The following SLC24A2 variants were observed in gnomAD, a reference collection of about 807,000 sequenced individuals.
SLC24A2 encodes solute carrier family 24 member 2.
SLC24A2 carries 36 observed loss-of-function variants against 62.0 expected under a neutral mutation model. That is an observed-to-expected ratio of 0.58 (90% CI 0.44 to 0.77). SLC24A2 has a LOEUF of 0.77. Ranked by LOEUF, SLC24A2 falls within the 30% of genes least tolerant of loss-of-function variation. The probability of loss-of-function intolerance (pLI) is 0.00; values close to 1 mark genes in which losing one functional copy is unlikely to be tolerated. For missense variants in SLC24A2, 846 were observed against 817.9 expected (o/e 1.03, Z -0.42); for synonymous variants, 358 against 294.0 (o/e 1.22, Z -2.23).
chr9:19,550,575 A>T (rs1834794872), intron 7 of SLC24A2, among the ~76,000 whole-genome samples: 1 of 152,350 alleles, frequency 6.6e-6, no homozygotes, highest in African/African-American at 2.4e-5. Flanking sequence ...GCTTCTTATA[A>T]CAAACTATAT....
chr9:19,565,137 A>G (rs1835594273), intron 7 of SLC24A2, among the ~76,000 whole-genome samples: 1 of 152,144 alleles, frequency 6.6e-6, no homozygotes, highest in Admixed American at 6.5e-5. Flanking sequence ...AGAAAGAAAT[A>G]AAGGTATTCA....
intron 8 of SLC24A2, among the ~76,000 whole-genome samples, chr9:19,547,375 C>T (rs901002893): frequency 8.5e-5 from 13 of 152,172 alleles, no homozygotes; most frequent in Non-Finnish European, 1.6e-4. Flanking sequence ...CTGGGGACAG[C>T]TCTGTTTTCT....
chr9:20,094,990 G>T, the SLC24A2 span, among the ~76,000 whole-genome samples: 1 of 152,056 alleles, frequency 6.6e-6, no homozygotes, highest in South Asian at 2.1e-4. Context: ...CTATTAAAAA[G>T]CTACCTTTCC....
chr9:19,715,179 T>C lies in SLC24A2; in HGVS notation c.930+70758A>G, dbSNP rs1233128232. Among the ~76,000 whole-genome samples, 7 of 152,202 alleles carry C rather than the reference T, an allele frequency of 4.6e-5. 1 individual carries two copies. The highest frequency in any genetic ancestry group is 7.3e-5 in the Non-Finnish European group (5 of 68,038). On this transcript the variant is annotated intron_variant, in intron 2 of 10. Transcript: ENST00000341998. ...CAATGTCAAGCTTTGAACAGAATTA[T>C]AGATACCTACAAAATACATTTTCAT... is the stretch of plus-strand genomic sequence containing the variant.
the SLC24A2 span, among the ~76,000 whole-genome samples, chr9:20,188,897 C>T: frequency 6.6e-6 from 1 of 152,032 alleles, no homozygotes. Context: ...TTTTAAGCTA[C>T]CAAATTTGTA....
At chr9:19,928,824 T>G in the SLC24A2 span, 1 of 152,204 alleles carries the variant, frequency 6.6e-6, no homozygotes, top group African/African-American at 2.4e-5. Flanking sequence ...AATCTTACCA[T>G]GGATTTATCT....
At chr9:20,197,857 G>T in the SLC24A2 span, among the ~76,000 whole-genome samples, 1 of 152,120 alleles carries the variant, frequency 6.6e-6, no homozygotes, top group Non-Finnish European at 1.5e-5. Flanking sequence ...TCATTTCTCA[G>T]GTTAGACCAA....
chr9:20,070,055 TATTA>T, the SLC24A2 span, among the ~76,000 whole-genome samples: 1 of 152,206 alleles, frequency 6.6e-6, no homozygotes, highest in Non-Finnish European at 1.5e-5. Flanking sequence ...TTTTATTATT[TATTA>T]TTTATTTCAG....
chr9:20,233,956 T>C, the SLC24A2 span, among the ~76,000 whole-genome samples: 1 of 152,198 alleles, frequency 6.6e-6, no homozygotes, highest in African/African-American at 2.4e-5. Context: ...TGCTTGTCTG[T>C]AAAGTATTTT....
chr9:20,046,843 C>G, the SLC24A2 span, among the ~76,000 whole-genome samples: 3 of 152,186 alleles, frequency 2.0e-5, no homozygotes, highest in African/African-American at 7.2e-5. Flanking sequence ...TTTCTCTCCT[C>G]TTAAAACAGT....
chr9:20,003,445 T>C, the SLC24A2 span, among the ~76,000 whole-genome samples: 1 of 152,216 alleles, frequency 6.6e-6, no homozygotes, highest in African/African-American at 2.4e-5. Context: ...AAAATGTTCC[T>C]ACATTTTGGT....
the SLC24A2 span, among the ~76,000 whole-genome samples, chr9:20,098,446 T>G: frequency 6.6e-6 from 1 of 152,368 alleles, no homozygotes; most frequent in East Asian, 1.9e-4. Flanking sequence ...TATGGCATTA[T>G]ATACTTCTTA....
chr9:20,251,583 A>G, the SLC24A2 span, among the ~76,000 whole-genome samples: 7 of 152,354 alleles, frequency 4.6e-5, no homozygotes, highest in Middle Eastern at 3.4e-3. Flanking sequence ...AGAAAGCGTT[A>G]ATAAGATAAA....
intron 2 of SLC24A2, among the ~76,000 whole-genome samples, chr9:19,717,570 T>A (rs566844760): frequency 6.6e-6 from 1 of 152,364 alleles, no homozygotes; most frequent in East Asian, 1.9e-4. Flanking sequence ...TTGATTTGTC[T>A]TTTTAAAAGA....
chr9:19,556,770 A>G (rs898975565), intron 7 of SLC24A2, among the ~76,000 whole-genome samples: 1 of 152,158 alleles, frequency 6.6e-6, no homozygotes, highest in Non-Finnish European at 1.5e-5. Flanking sequence ...CATTGACTTT[A>G]AAAACACTAG....
the SLC24A2 span, among the ~76,000 whole-genome samples, chr9:20,002,938 G>A: frequency 6.6e-6 from 1 of 152,250 alleles, no homozygotes; most frequent in East Asian, 1.9e-4. Flanking sequence ...ATTCACAAAT[G>A]GCCCCGTGTT....
chr9:20,048,507 G>C, the SLC24A2 span, among the ~76,000 whole-genome samples: 1 of 152,034 alleles, frequency 6.6e-6, no homozygotes, highest in Non-Finnish European at 1.5e-5. Flanking sequence ...ATATTATTTA[G>C]AAAAACTGCT....
chr9:19,784,827 T>A (rs946005662), intron 2 of SLC24A2, among the ~76,000 whole-genome samples: 2 of 152,222 alleles, frequency 1.3e-5, no homozygotes, highest in African/African-American at 4.8e-5. Context: ...TAGTGTTTTA[T>A]CCTGCCCTTT....
chr9:20,021,428 A>G, the SLC24A2 span, among the ~76,000 whole-genome samples: 1 of 152,180 alleles, frequency 6.6e-6, no homozygotes, highest in Middle Eastern at 3.4e-3. Flanking sequence ...CAGCTGTTCC[A>G]ATTGCTATTA....
Sources: gnomAD v4.1 joint callset for allele counts (sites outside exome capture counted in the v4.1 genomes callset) on GRCh38, gnomAD v4.1.1 for gene constraint, MANE v1.5 for transcripts, NCBI Gene and HGNC (gene_info 2026-07-23, HGNC 2026-07-21) for gene names.